DACH2: variants seen among roughly 807,000 people sequenced by gnomAD.
DACH2 encodes dachshund family transcription factor 2, also known as dachshund homolog 2.
Under a neutral mutation model 35.8 loss-of-function variants are expected in DACH2, and 17 were observed. That is an observed-to-expected ratio of 0.48 (90% CI 0.33 to 0.71). The LOEUF is 0.71. Among genes scored for constraint, DACH2 ranks in the 30% least tolerant of loss-of-function variants. The probability of loss-of-function intolerance (pLI) is 0.02; values close to 1 mark genes in which losing one functional copy is unlikely to be tolerated. For missense variants in DACH2, 469 were observed against 472.7 expected (o/e 0.99, Z 0.07); for synonymous variants, 195 against 177.3 (o/e 1.10, Z -0.79).
intron 3 of DACH2, among the ~76,000 whole-genome samples, chrX:86,577,120 T>C (rs1347821013): frequency 8.9e-6 from 1 of 112,294 alleles, no homozygotes; most frequent in Non-Finnish European, 1.9e-5. Context: ...TGTCAGGTAC[T>C]ACAATGGGTA....
chrX:86,755,446 T>C (rs1230560120), intron 7 of DACH2, among the ~76,000 whole-genome samples: 2 of 111,118 alleles, frequency 1.8e-5, no homozygotes, highest in African/African-American at 6.5e-5. Flanking sequence ...TTGTCTAGTT[T>C]TGTTTTTTAT....
intron 1 of DACH2, among the ~76,000 whole-genome samples, chrX:86,280,041 C>T (rs1230251800): frequency 1.8e-5 from 2 of 110,880 alleles, no homozygotes; most frequent in East Asian, 5.7e-4. Context: ...AGGATATTAT[C>T]CAGGAGAACT....
At chrX:86,415,521 A>G (rs958471854) in intron 2 of DACH2, among the ~76,000 whole-genome samples, 1 of 112,113 alleles carries the variant, frequency 8.9e-6, no homozygotes, top group African/African-American at 3.2e-5. Flanking sequence ...GGCCATCACA[A>G]TGAATTTTTT....
chrX:86,671,074 A>G (rs944985209), intron 4 of DACH2, among the ~76,000 whole-genome samples: 1 of 112,208 alleles, frequency 8.9e-6, no homozygotes, highest in Non-Finnish European at 1.9e-5. Context: ...TAGTAACATA[A>G]CAATTGAATC....
chrX:86,817,987 A>G (rs1322109403), intron 11 of DACH2, among the ~76,000 whole-genome samples: 2 of 112,262 alleles, frequency 1.8e-5, no homozygotes, highest in African/African-American at 3.2e-5. Context: ...ATTTTAAAGC[A>G]AAGAAATTGG....
chrX:86,571,518 T>C (rs764894830), intron 3 of DACH2, among the ~76,000 whole-genome samples: 92 of 108,173 alleles, frequency 8.5e-4, no homozygotes, highest in Non-Finnish European at 1.6e-3. Context: ...TGGATGAAAC[T>C]GGAAACCATC....
chrX:86,817,230 T>C (rs5923649), intron 11 of DACH2, among the ~76,000 whole-genome samples: 46,065 of 110,680 alleles, frequency 0.42, 7,481 homozygotes, highest in African/African-American at 0.53. Flanking sequence ...GATGAAGCTT[T>C]TGCTGGTTCT....
chrX:86,573,915 G>A (rs923696531), intron 3 of DACH2, among the ~76,000 whole-genome samples: 1 of 110,912 alleles, frequency 9.0e-6, no homozygotes, highest in African/African-American at 3.3e-5. Context: ...CCTTAAACGC[G>A]GTTTTAGTCA....
intron 2 of DACH2, among the ~76,000 whole-genome samples, chrX:86,418,170 T>C (rs759995698): frequency 6.2e-5 from 7 of 112,308 alleles, no homozygotes; most frequent in Admixed American, 3.7e-4. Context: ...TCCCAGCTGC[T>C]TTCACAGGCT....
At chrX:86,801,338 C>T (rs1031153551) in intron 7 of DACH2, among the ~76,000 whole-genome samples, 1 of 110,665 alleles carries the variant, frequency 9.0e-6, no homozygotes, top group African/African-American at 3.3e-5. Context: ...TCAAGTGATC[C>T]TTCTACCTCA....
In DACH2 at chrX:86,723,881, C is replaced by CT. The variant is rs371714160; in HGVS notation, c.1104+9171dup. ...ATTTTATCAATAGCACTTGAGTTGT[C>CT]TTTTTTTTTTACTGTTTTTGATTTA... is the stretch of plus-strand genomic sequence containing the variant. On this transcript the variant is annotated intron_variant, in intron 6 of 11. Transcript: ENST00000373125. Among the ~76,000 whole-genome samples, 81 of 105,402 alleles carry CT rather than the reference C, an allele frequency of 7.7e-4. 2 individuals are homozygous for CT. The highest frequency in any genetic ancestry group is 9.5e-3 in the Middle Eastern group (2 of 210). The allele number at this position is 105,402 out of a possible 115,157, so 91.5% of individuals were successfully genotyped here. A position where few individuals can be genotyped will look rare whatever the true frequency, so the allele number is the denominator to read the frequency against.
intron 1 of DACH2, among the ~76,000 whole-genome samples, chrX:86,324,312 C>T: frequency 8.9e-6 from 1 of 111,737 alleles, no homozygotes; most frequent in South Asian, 3.8e-4. Context: ...CTAGGGAGTT[C>T]CTTCCTATGG....
intron 7 of DACH2, among the ~76,000 whole-genome samples, chrX:86,801,715 A>T (rs60386555): frequency 0.22 from 25,068 of 111,423 alleles, 2,523 homozygotes; most frequent in South Asian, 0.4. Context: ...CAAGTTTTCC[A>T]TGATAGAGTC....
At chrX:86,505,567 A>C (rs1025754226) in intron 2 of DACH2, among the ~76,000 whole-genome samples, 20 of 112,093 alleles carry the variant, frequency 1.8e-4, no homozygotes, top group Non-Finnish European at 3.0e-4. Flanking sequence ...TATTTCACTT[A>C]GCATGATGCC....
intron 1 of DACH2, among the ~76,000 whole-genome samples, chrX:86,277,902 A>G (rs1173686638): frequency 3.8e-5 from 4 of 106,432 alleles, no homozygotes; most frequent in African/African-American, 1.4e-4. Flanking sequence ...ATAAAAAAAA[A>G]TTGTCATTTT....
intron 5 of DACH2, among the ~76,000 whole-genome samples, chrX:86,710,718 A>G (rs1179520243): frequency 3.6e-5 from 4 of 111,949 alleles, no homozygotes; most frequent in Non-Finnish European, 5.6e-5. Context: ...TACAGCATAC[A>G]GAGAGGAATA....
intron 1 of DACH2, among the ~76,000 whole-genome samples, chrX:86,307,330 C>A (rs1021875387): frequency 8.9e-6 from 1 of 111,763 alleles, no homozygotes; most frequent in African/African-American, 3.3e-5. Context: ...AAGTGGTTGA[C>A]CTGCAATGAA....
At chrX:86,787,477 G>A (rs1460485016) in intron 7 of DACH2, among the ~76,000 whole-genome samples, 4 of 110,382 alleles carry the variant, frequency 3.6e-5, no homozygotes, top group Non-Finnish European at 7.6e-5. Context: ...AATTAGCCAG[G>A]CAAGGTGGCA....
intron 3 of DACH2, among the ~76,000 whole-genome samples, chrX:86,562,062 AG>A (rs1183845861): frequency 9.1e-6 from 1 of 110,010 alleles, no homozygotes; most frequent in African/African-American, 3.3e-5. Context: ...TATATTCCAA[AG>A]GTAAAGCTTC....
Sources: gnomAD v4.1 joint callset for allele counts (sites outside exome capture counted in the v4.1 genomes callset) on GRCh38, gnomAD v4.1.1 for gene constraint, MANE v1.5 for transcripts, NCBI Gene and HGNC (gene_info 2026-07-23, HGNC 2026-07-21) for gene names.